Variants in KIAA1217 observed in about 807,000 individuals in gnomAD.
KIAA1217 encodes KIAA1217.
In KIAA1217, 88 loss-of-function variants were observed where a neutral mutation model predicts 163.9. The observed-to-expected ratio is 0.54, with a 90% CI of 0.45 to 0.64. KIAA1217 has a LOEUF of 0.64. Ranked by LOEUF, KIAA1217 falls within the 30% of genes least tolerant of loss-of-function variation. The probability of loss-of-function intolerance (pLI) is 0.00; values close to 1 mark genes in which losing one functional copy is unlikely to be tolerated. For synonymous variants in KIAA1217, 903 were observed against 923.1 expected (o/e 0.98, Z 0.39); for missense variants, 2,372 against 2,475.0 (o/e 0.96, Z 0.88).
chr10:24,035,407 T>A (rs77938370), intron 2 of KIAA1217, among the ~76,000 whole-genome samples: 259 of 152,304 alleles, frequency 1.7e-3, no homozygotes, highest in Admixed American at 4.0e-3. Context: ...GATGCCTTTA[T>A]ACCCTCAGTT....
chr10:24,091,185 T>A (rs1443736161), intron 2 of KIAA1217, among the ~76,000 whole-genome samples: 5 of 151,834 alleles, frequency 3.3e-5, no homozygotes, highest in Non-Finnish European at 7.4e-5. Context: ...GCCTCACAAA[T>A]TGCTCTGCTA....
At chr10:24,108,201 GA>G (rs1267215127) in intron 2 of KIAA1217, among the ~76,000 whole-genome samples, 1 of 152,188 alleles carries the variant, frequency 6.6e-6, no homozygotes, top group Non-Finnish European at 1.5e-5. Flanking sequence ...ATAATGGAAA[GA>G]AATCACACAT....
intron 1 of KIAA1217, among the ~76,000 whole-genome samples, chr10:23,961,714 A>G (rs923076516): frequency 6.6e-6 from 1 of 152,236 alleles, no homozygotes; most frequent in Non-Finnish European, 1.5e-5. Flanking sequence ...AGTTGCCGTA[A>G]CAAAGCACTG....
chr10:23,860,851 A>G (rs887179693), intron 1 of KIAA1217, among the ~76,000 whole-genome samples: 5 of 146,670 alleles, frequency 3.4e-5, no homozygotes, highest in Middle Eastern at 3.3e-3. Flanking sequence ...CTTTTTTTCT[A>G]TTTTGTTTTC....
rs1285281556 is a variant in KIAA1217, at chr10:23,695,497, T to C, written c.-321+263T>C. Among the ~76,000 whole-genome samples, 2 of 151,986 alleles carry C rather than the reference T, an allele frequency of 1.3e-5. No individual in the cohort carries two copies. The highest frequency in any genetic ancestry group is 2.9e-5 in the Non-Finnish European group (2 of 67,986). ...CTGGAGAGGAACCGGACCCCGGGGA[T>C]CTCAGAAAGGGAAGGATGTGGGGAG... On this transcript the variant is annotated intron_variant, in intron 1 of 18. Transcript: ENST00000376462. The surrounding 1 kb of genome is among the most constrained non-coding windows in gnomAD (Gnocchi z 4.9).
At chr10:23,983,976 A>G (rs1845871858) in intron 1 of KIAA1217, among the ~76,000 whole-genome samples, 1 of 152,212 alleles carries the variant, frequency 6.6e-6, no homozygotes, top group African/African-American at 2.4e-5. Context: ...GCAGAGATTA[A>G]ATTTTGCAAA....
At chr10:24,238,133 G>A (rs921778463) in intron 2 of KIAA1217, among the ~76,000 whole-genome samples, 13 of 152,344 alleles carry the variant, frequency 8.5e-5, no homozygotes, top group African/African-American at 2.9e-4. Context: ...GTTAACAGCA[G>A]ACTGCTCCTT....
At chr10:24,255,503 C>T (rs2075050834) in intron 2 of KIAA1217, 1 of 455,544 alleles carries the variant, frequency 2.2e-6, no homozygotes, top group Admixed American at 2.4e-5. Context: ...ACATGAAGAC[C>T]CATGTCTGCC....
intron 1 of KIAA1217, among the ~76,000 whole-genome samples, chr10:23,788,200 G>C (rs1295365744): frequency 6.6e-6 from 1 of 152,090 alleles, no homozygotes; most frequent in Non-Finnish European, 1.5e-5. Context: ...CCTGTTTCTG[G>C]AAAGGAAAGA....
intron 6 of KIAA1217, among the ~76,000 whole-genome samples, chr10:24,487,087 GC>G (rs2065497321): frequency 6.6e-6 from 1 of 152,182 alleles, no homozygotes; most frequent in South Asian, 2.1e-4. Flanking sequence ...TTCTCCGCTT[GC>G]CCTGGAACCC....
chr10:24,216,336 T>G (rs1202767914), intron 1 of KIAA1217, among the ~76,000 whole-genome samples: 1 of 152,242 alleles, frequency 6.6e-6, no homozygotes, highest in Non-Finnish European at 1.5e-5. Flanking sequence ...GATGCGACTT[T>G]CTGCCGTTAT....
intron 2 of KIAA1217, among the ~76,000 whole-genome samples, chr10:24,099,400 G>A (rs563649615): frequency 2.0e-5 from 3 of 150,968 alleles, no homozygotes; most frequent in Middle Eastern, 3.4e-3. Context: ...TGTTCTCATT[G>A]TTCAATTCCC....
At chr10:24,325,606 G>T (rs1390964849) in intron 2 of KIAA1217, among the ~76,000 whole-genome samples, 1 of 152,186 alleles carries the variant, frequency 6.6e-6, no homozygotes, top group Non-Finnish European at 1.5e-5. Flanking sequence ...AAACTTCTCA[G>T]ACATGACTAA....
intron 2 of KIAA1217, among the ~76,000 whole-genome samples, chr10:24,367,866 A>G (rs552102299): frequency 1.3e-5 from 2 of 152,242 alleles, no homozygotes; most frequent in Non-Finnish European, 2.9e-5. Context: ...GAAGTTAAGT[A>G]ACTTGCCCAA....
intron 2 of KIAA1217, among the ~76,000 whole-genome samples, chr10:24,172,979 T>TCC (rs761252217): frequency 6.6e-6 from 1 of 152,102 alleles, no homozygotes; most frequent in Non-Finnish European, 1.5e-5. Flanking sequence ...TAAGCAGGGG[T>TCC]CCCCAACCCC....
At position 23,773,504 on chromosome 10, in the gene KIAA1217, T is replaced by G. The variant is rs560179281; in HGVS notation, c.-321+78270T>G. 3.2e-4 allele frequency among the ~76,000 whole-genome samples: 49 copies of G among 152,054 alleles called. 1 individual carries two copies. Among genetic ancestry groups the G allele is most frequent in the Admixed American group, 2.4e-3 (36 of 15,250 alleles). On this transcript the variant is annotated intron_variant, in intron 1 of 18. Transcript: ENST00000376462. ...GTTTTTTCCAATTCTGTGAAGAAAG[T>G]CATTGGTAGCTTGATGGGGATGGCA... is the stretch of plus-strand genomic sequence containing the variant.
At chr10:24,541,510 G>A (rs1207563474) in intron 17 of KIAA1217, among the ~76,000 whole-genome samples, 2 of 152,140 alleles carry the variant, frequency 1.3e-5, no homozygotes, top group Non-Finnish European at 2.9e-5. Context: ...GACTTTGGCT[G>A]GGCCCGGGTG....
intron 2 of KIAA1217, among the ~76,000 whole-genome samples, chr10:24,103,063 G>A (rs538793502): frequency 1.3e-5 from 2 of 152,288 alleles, no homozygotes; most frequent in Non-Finnish European, 2.9e-5. Flanking sequence ...GCTCTCCCCA[G>A]CCATGTGGAA....
intron 1 of KIAA1217, among the ~76,000 whole-genome samples, chr10:23,984,359 G>A (rs1845885583): frequency 6.6e-6 from 1 of 152,172 alleles, no homozygotes; most frequent in Non-Finnish European, 1.5e-5. Context: ...AAAGCTGGCA[G>A]TACCTTGTCA....
Sources: allele counts gnomAD v4.1 joint callset (sites outside exome capture counted in the v4.1 genomes callset), GRCh38; gene constraint gnomAD v4.1.1; non-coding constraint Gnocchi (gnomAD v3.1); transcripts MANE v1.5; gene names NCBI Gene and HGNC (gene_info 2026-07-23, HGNC 2026-07-21).